The following DPF3 variants were observed in gnomAD, a reference collection of about 807,000 sequenced individuals.
DPF3 encodes zinc finger protein DPF3.
In DPF3, 18 loss-of-function variants were observed where a neutral mutation model predicts 56.8. The observed-to-expected ratio is 0.32, with a 90% confidence interval of 0.22 to 0.47. The LOEUF (loss-of-function observed/expected upper bound fraction) is 0.47, where lower values mean the gene tolerates loss of function less well. Among genes scored for constraint, DPF3 ranks in the 20% least tolerant of loss-of-function variants. The pLI is 1.00. For synonymous variants in DPF3, 188 were observed against 180.2 expected, an observed-to-expected ratio of 1.04 and a Z score of -0.35; for missense variants, 403 against 488.8, an observed-to-expected ratio of 0.82 and a Z score of 1.65.
chr14:72,682,530 C>T (rs1599353430), intron 7 of DPF3, among the ~76,000 whole-genome samples: 2 of 152,258 alleles, frequency 1.3e-5, no homozygotes, highest in African/African-American at 4.8e-5. Flanking sequence ...ATATTATTAT[C>T]GACATAATTA....
chr14:72,819,769 T>C (rs1018847054), intron 1 of DPF3, among the ~76,000 whole-genome samples: 4 of 152,108 alleles, frequency 2.6e-5, no homozygotes, highest in African/African-American at 9.7e-5. Context: ...AAACCCCATC[T>C]CTACTAAAAA....
At chr14:72,724,681 A>G (rs1054040036) in intron 4 of DPF3, among the ~76,000 whole-genome samples, 2 of 149,996 alleles carry the variant, frequency 1.3e-5, no homozygotes, top group Non-Finnish European at 3.0e-5. Flanking sequence ...ACTGGGCTCC[A>G]TGTCAGGGGG....
At chr14:72,678,437 G>T (rs1887009131) in intron 7 of DPF3, among the ~76,000 whole-genome samples, 1 of 152,116 alleles carries the variant, frequency 6.6e-6, no homozygotes. Context: ...ATCCATCCTG[G>T]GTGATCCTGT....
chr14:72,710,543 T>C (rs891194734), intron 6 of DPF3, among the ~76,000 whole-genome samples: 5 of 152,352 alleles, frequency 3.3e-5, no homozygotes, highest in Middle Eastern at 6.8e-3. Flanking sequence ...AAAGCCAGTA[T>C]ACACAAGAAT....
intron 1 of DPF3, among the ~76,000 whole-genome samples, chr14:72,878,947 C>T (rs554749570): frequency 1.3e-5 from 2 of 152,360 alleles, no homozygotes; most frequent in South Asian, 4.1e-4. Context: ...GCCGTGAAGG[C>T]AGAGAATGAG....
At chr14:72,864,417 C>T (rs560860394) in intron 1 of DPF3, among the ~76,000 whole-genome samples, 28 of 152,334 alleles carry the variant, frequency 1.8e-4, no homozygotes, top group African/African-American at 5.8e-4. Context: ...CACTGGACTG[C>T]GGGCTCCATG....
At chr14:72,874,547 A>G (rs1308735600) in intron 1 of DPF3, among the ~76,000 whole-genome samples, 2 of 152,170 alleles carry the variant, frequency 1.3e-5, no homozygotes, top group Non-Finnish European at 2.9e-5. Context: ...CTCAAGTTCA[A>G]AGTTTCACGA....
At chr14:72,778,114 C>G (rs943041351) in intron 1 of DPF3, among the ~76,000 whole-genome samples, 2 of 152,280 alleles carry the variant, frequency 1.3e-5, no homozygotes, top group Middle Eastern at 3.4e-3. Flanking sequence ...TACCTGGAAT[C>G]TGACCCTGCT....
At chr14:72,691,987 G>A (rs571651878) in intron 7 of DPF3, among the ~76,000 whole-genome samples, 46 of 152,232 alleles carry the variant, frequency 3.0e-4, no homozygotes, top group African/African-American at 9.4e-4. Flanking sequence ...GCAATATTAC[G>A]AGGGGAAAGT....
chr14:72,873,500 T>C (rs1324135614), intron 1 of DPF3, among the ~76,000 whole-genome samples: 1 of 152,244 alleles, frequency 6.6e-6, no homozygotes, highest in African/African-American at 2.4e-5. Flanking sequence ...TCAACCATTG[T>C]GGAAGTCAGT....
intron 1 of DPF3, chr14:72,892,700 T>A (rs1743584076): frequency 2.0e-6 from 2 of 1,014,878 alleles, no homozygotes; most frequent in African/African-American, 3.4e-5. Context: ...CCAGGGAGAA[T>A]TCGGCATGAA....
intron 2 of DPF3, among the ~76,000 whole-genome samples, chr14:72,764,513 T>TTTTTTG (rs1891190925): frequency 9.2e-6 from 1 of 108,766 alleles, no homozygotes; most frequent in Non-Finnish European, 1.9e-5. Flanking sequence ...TTTTTTTTTT[T>TTTTTTG]TGAGGCGGAA....
At chr14:72,653,313 G>A (rs763173198) in intron 8 of DPF3, among the ~76,000 whole-genome samples, 3 of 152,210 alleles carry the variant, frequency 2.0e-5, no homozygotes, top group African/African-American at 4.8e-5. Context: ...CTACCACTCC[G>A]GGCCTCCACG....
chr14:72,796,335 C>G (rs1397379601), intron 1 of DPF3, among the ~76,000 whole-genome samples: 1 of 152,142 alleles, frequency 6.6e-6, no homozygotes, highest in Non-Finnish European at 1.5e-5. Flanking sequence ...AACCCCATCT[C>G]TACCAAAAAT....
intron 3 of DPF3, among the ~76,000 whole-genome samples, chr14:72,748,185 C>T (rs550331690): frequency 3.3e-5 from 5 of 152,284 alleles, no homozygotes; most frequent in African/African-American, 1.2e-4. Context: ...GTGATATGGA[C>T]AATAAAGTCC....
In DPF3 at chr14:72,662,322, T is replaced by C. The variant is rs977645667; in HGVS notation, c.871+11918A>G. On this transcript the variant is annotated intron_variant, in intron 8 of 10. Transcript: ENST00000556509. ...TTTAGAGTTAATATGCAGTCTTTTA[T>C]TTTACATTAAGTACTCTTATGATTT... 18 of 984,784 alleles carry C rather than the reference T, an allele frequency of 1.8e-5. No homozygotes were observed. The African/African-American group carries it at 3.1e-4, about 17-fold the overall frequency. The allele number at this position is 984,784 out of a possible 1,614,324, so 61.0% of individuals were successfully genotyped here.
intron 5 of DPF3, among the ~76,000 whole-genome samples, chr14:72,721,742 A>C (rs935608221): frequency 1.3e-5 from 2 of 152,194 alleles, no homozygotes; most frequent in Non-Finnish European, 2.9e-5. Flanking sequence ...GTACACACAT[A>C]CACAAACACA....
intron 1 of DPF3, among the ~76,000 whole-genome samples, chr14:72,824,222 G>A (rs1489453138): frequency 2.0e-5 from 3 of 152,118 alleles, no homozygotes; most frequent in African/African-American, 7.2e-5. Context: ...CCAGCCCCAG[G>A]GTCAGATGCC....
intron 1 of DPF3, chr14:72,836,158 T>C: frequency 7.1e-6 from 7 of 986,072 alleles, no homozygotes; most frequent in Non-Finnish European, 8.4e-6. Context: ...GATCATTGTG[T>C]TCTCAGAAGG....
Sources: allele counts gnomAD v4.1 joint callset (sites outside exome capture counted in the v4.1 genomes callset), GRCh38; gene constraint gnomAD v4.1.1; transcripts MANE v1.5; gene names NCBI Gene and HGNC (gene_info 2026-07-23, HGNC 2026-07-21).